LDLRAD3: variants seen among roughly 807,000 people sequenced by gnomAD.
LDLRAD3 encodes low-density lipoprotein receptor class A domain-containing protein 3.
Under a neutral mutation model 29.4 loss-of-function variants are expected in LDLRAD3, and 20 were observed. The observed-to-expected ratio is 0.68, with a 90% confidence interval of 0.48 to 0.99. The LOEUF is 0.99. Among genes scored for constraint, LDLRAD3 ranks in the 50% least tolerant of loss-of-function variants. LDLRAD3 has a pLI of 0.00. For synonymous variants in LDLRAD3, 157 were observed against 192.7 expected (o/e 0.81, Z 1.53); for missense variants, 420 against 454.3 (o/e 0.92, Z 0.69).
chr11:35,968,976 C>T (rs1851376599), intron 1 of LDLRAD3, among the ~76,000 whole-genome samples: 1 of 152,154 alleles, frequency 6.6e-6, no homozygotes, highest in Non-Finnish European at 1.5e-5. Context: ...ACGAACAGCC[C>T]TTTCCTAAGT....
chr11:36,092,264 A>G (rs1853294228), intron 3 of LDLRAD3, among the ~76,000 whole-genome samples: 1 of 152,086 alleles, frequency 6.6e-6, no homozygotes, highest in South Asian at 2.1e-4. Context: ...GAACTATTCT[A>G]GGCTGTTGTG....
chr11:36,046,647 G>A (rs895228004), intron 2 of LDLRAD3, among the ~76,000 whole-genome samples: 1 of 152,094 alleles, frequency 6.6e-6, no homozygotes, highest in Non-Finnish European at 1.5e-5. Context: ...AGGTCCCAGG[G>A]CACTGTTCAA....
chr11:36,036,296 G>A (rs1852304104), intron 2 of LDLRAD3, 47 bp downstream of exon 2: 3 of 1,611,036 alleles, frequency 1.9e-6, no homozygotes, highest in Non-Finnish European at 2.5e-6. Flanking sequence ...GCCATCCTGG[G>A]GCAGAGGGGA....
chr11:36,030,441 T>A (rs1344314796), intron 1 of LDLRAD3, among the ~76,000 whole-genome samples: 5 of 6,808 alleles, frequency 7.3e-4, no homozygotes, highest in African/African-American at 9.2e-4. Context: ...ATGGAGTGTG[T>A]GTGTGTGTGT....
At chr11:36,081,586 G>A (rs902520575) in intron 2 of LDLRAD3, 67 bp from the exon 3 acceptor site, 125 of 1,593,168 alleles carry the variant, frequency 7.8e-5, no homozygotes, top group Non-Finnish European at 1.0e-4. Flanking sequence ...TTCAGTGTTA[G>A]TGGGATGAGT....
At chr11:36,119,057 G>T (rs886122625) in intron 4 of LDLRAD3, among the ~76,000 whole-genome samples, 6 of 152,120 alleles carry the variant, frequency 3.9e-5, no homozygotes, top group African/African-American at 1.4e-4. Flanking sequence ...GAATTGCCTT[G>T]GGGAATTGTT....
At chr11:35,972,473 A>G (rs1851425358) in intron 1 of LDLRAD3, 1 of 152,080 alleles carries the variant, frequency 6.6e-6, no homozygotes. Context: ...AAAATTGGAA[A>G]GAGAATTTCT....
At chr11:35,996,817 G>T (rs897910123) in intron 1 of LDLRAD3, among the ~76,000 whole-genome samples, 1 of 152,198 alleles carries the variant, frequency 6.6e-6, no homozygotes, top group African/African-American at 2.4e-5. Context: ...AAATGTGCCA[G>T]CCCCTGTGCA....
At chr11:36,083,657 T>C (rs1167490248) in intron 3 of LDLRAD3, among the ~76,000 whole-genome samples, 2 of 152,052 alleles carry the variant, frequency 1.3e-5, no homozygotes, top group African/African-American at 4.8e-5. Context: ...GTATTTTAGT[T>C]AATCCTTTAG....
At chr11:36,047,464 T>C (rs1048526295) in intron 2 of LDLRAD3, among the ~76,000 whole-genome samples, 1 of 152,198 alleles carries the variant, frequency 6.6e-6, no homozygotes, top group Admixed American at 6.5e-5. Flanking sequence ...GTTGTTTCTT[T>C]CTTAGTTGTA....
At chr11:35,958,045 A>T (rs1444639214) in intron 1 of LDLRAD3, among the ~76,000 whole-genome samples, 2 of 152,200 alleles carry the variant, frequency 1.3e-5, no homozygotes, top group Non-Finnish European at 2.9e-5. Context: ...AGACTAACAA[A>T]ATGCTCACTA....
At chr11:36,101,145 C>T (rs1051087062) in intron 4 of LDLRAD3, among the ~76,000 whole-genome samples, 5 of 152,246 alleles carry the variant, frequency 3.3e-5, no homozygotes, top group South Asian at 2.1e-4. Flanking sequence ...TACATATGCA[C>T]GTGCTCCCAG....
intron 2 of LDLRAD3, among the ~76,000 whole-genome samples, chr11:36,052,213 G>A (rs76053155): frequency 6.6e-6 from 1 of 152,194 alleles, no homozygotes; most frequent in Non-Finnish European, 1.5e-5. Flanking sequence ...TAGTTTGGTG[G>A]CCTCAAAAGC....
intron 2 of LDLRAD3, among the ~76,000 whole-genome samples, chr11:36,050,373 C>T (rs1190987763): frequency 6.6e-6 from 1 of 152,198 alleles, no homozygotes; most frequent in African/African-American, 2.4e-5. Context: ...GATGCTCAGA[C>T]CACATATTCA....
intron 4 of LDLRAD3, among the ~76,000 whole-genome samples, chr11:36,164,212 TAA>T (rs1320996939): frequency 6.6e-6 from 1 of 152,248 alleles, no homozygotes; most frequent in Non-Finnish European, 1.5e-5. Flanking sequence ...TGAAAATTGT[TAA>T]GATGTCTTAT....
chr11:36,162,669 A>G (rs1313604030), intron 4 of LDLRAD3, among the ~76,000 whole-genome samples: 1 of 152,228 alleles, frequency 6.6e-6, no homozygotes, highest in Non-Finnish European at 1.5e-5. Context: ...GACTGGAGCT[A>G]AGCCGTGGTC....
At chr11:35,975,830 A>AT (rs35771900) in intron 1 of LDLRAD3, among the ~76,000 whole-genome samples, 22,176 of 136,762 alleles carry the variant, frequency 0.16, 1,968 homozygotes, top group African/African-American at 0.26. Flanking sequence ...AGCACTGGGG[A>AT]TTTTTTTTTT....
At chr11:35,982,967 C>T (rs150290421) in intron 1 of LDLRAD3, among the ~76,000 whole-genome samples, 3,826 of 151,206 alleles carry the variant, frequency 0.025, 185 homozygotes, top group African/African-American at 0.088. Flanking sequence ...GATTCTCCTG[C>T]CTCAGCCTCC....
chr11:36,018,862 T>A (rs1403755876), intron 1 of LDLRAD3, among the ~76,000 whole-genome samples: 1 of 152,236 alleles, frequency 6.6e-6, no homozygotes, highest in Non-Finnish European at 1.5e-5. Context: ...TTATTAGCCA[T>A]GTTTATTTTT....
Sources: gnomAD v4.1 joint callset for allele counts (sites outside exome capture counted in the v4.1 genomes callset) on GRCh38, gnomAD v4.1.1 for gene constraint, MANE v1.5 for transcripts, NCBI Gene and HGNC (gene_info 2026-07-23, HGNC 2026-07-21) for gene names.